CALN1: variants seen among roughly 807,000 people sequenced by gnomAD.
CALN1 encodes the protein calcium-binding protein 8.
A neutral mutation model predicts 30.6 loss-of-function variants in CALN1; 17 were observed. That is an observed-to-expected ratio of 0.56 (90% confidence interval 0.38 to 0.83). The LOEUF (loss-of-function observed/expected upper bound fraction) is 0.83. CALN1 is among the 40% of genes least tolerant of loss of function. The pLI, the probability that CALN1 is intolerant of heterozygous loss-of-function variation, is 0.00. For synonymous variants in CALN1, 156 were observed against 131.4 expected (o/e 1.19, Z -1.28); for missense variants, 291 against 354.9 (o/e 0.82, Z 1.45).
intron 3 of CALN1, among the ~76,000 whole-genome samples, chr7:72,182,956 T>C (rs1251349254): frequency 6.6e-6 from 1 of 152,134 alleles, no homozygotes; most frequent in African/African-American, 2.4e-5. Context: ...TTGAATGCTA[T>C]GAAAAGGAGT....
At chr7:71,997,172 G>A (rs1222664483) in intron 5 of CALN1, among the ~76,000 whole-genome samples, 1 of 152,034 alleles carries the variant, frequency 6.6e-6, no homozygotes, top group Non-Finnish European at 1.5e-5. Flanking sequence ...TTTGGGGGTT[G>A]CAGTGAACTA....
chr7:72,255,849 G>A (rs553164936), intron 3 of CALN1, among the ~76,000 whole-genome samples: 153 of 151,768 alleles, frequency 1.0e-3, no homozygotes, highest in Non-Finnish European at 1.9e-3. Context: ...TCCTGCCTCA[G>A]CCTCCTGAGT....
At chr7:71,983,240 G>A (rs1188413737) in intron 5 of CALN1, among the ~76,000 whole-genome samples, 1 of 152,096 alleles carries the variant, frequency 6.6e-6, no homozygotes, top group Non-Finnish European at 1.5e-5. Context: ...CTCACTTCTT[G>A]TGTGTGTCTG....
intron 4 of CALN1, among the ~76,000 whole-genome samples, chr7:72,054,982 C>T (rs1803160174): frequency 6.6e-6 from 1 of 152,108 alleles, no homozygotes; most frequent in South Asian, 2.1e-4. Flanking sequence ...AGACTAAGAT[C>T]CCTGAGGTCT....
At chr7:72,154,587 T>C (rs903879852) in intron 3 of CALN1, among the ~76,000 whole-genome samples, 3 of 152,210 alleles carry the variant, frequency 2.0e-5, no homozygotes, top group African/African-American at 4.8e-5. Flanking sequence ...GAGAAACCTT[T>C]ACCCTTTTTG....
At chr7:71,804,013 C>T (rs1468576746) in intron 6 of CALN1, among the ~76,000 whole-genome samples, 1 of 151,710 alleles carries the variant, frequency 6.6e-6, no homozygotes, top group Non-Finnish European at 1.5e-5. Flanking sequence ...AAAAATTAAA[C>T]AAGATAACAA....
chr7:72,224,203 A>T (rs1793509566), intron 3 of CALN1, among the ~76,000 whole-genome samples: 1 of 152,194 alleles, frequency 6.6e-6, no homozygotes, highest in African/African-American at 2.4e-5. Flanking sequence ...TATTTTTTAA[A>T]TTAAAAAATA....
At chr7:71,824,032 T>A (rs576905018) in intron 5 of CALN1, among the ~76,000 whole-genome samples, 31 of 152,172 alleles carry the variant, frequency 2.0e-4, no homozygotes, top group African/African-American at 6.0e-4. Context: ...GTGGGAATTG[T>A]GGGAGCTACA....
the CALN1 span, among the ~76,000 whole-genome samples, chr7:72,456,828 T>A: frequency 6.6e-6 from 1 of 151,826 alleles, no homozygotes; most frequent in Non-Finnish European, 1.5e-5. Context: ...CCTAGGAGAC[T>A]GGAGTGAGAC....
At chr7:71,820,480 G>A (rs902284189) in intron 5 of CALN1, among the ~76,000 whole-genome samples, 9 of 152,136 alleles carry the variant, frequency 5.9e-5, no homozygotes, top group African/African-American at 1.2e-4. Context: ...ATATCTTCAC[G>A]TATTGTTTAG....
At chr7:71,924,408 C>G (rs1254464837) in intron 5 of CALN1, among the ~76,000 whole-genome samples, 1 of 150,370 alleles carries the variant, frequency 6.7e-6, no homozygotes, top group Non-Finnish European at 1.5e-5. Flanking sequence ...TAATATAATA[C>G]TTAATATATA....
At chr7:72,436,648 C>T (rs1335115393) in intron 1 of CALN1, among the ~76,000 whole-genome samples, 1 of 152,076 alleles carries the variant, frequency 6.6e-6, no homozygotes, top group Non-Finnish European at 1.5e-5. Context: ...AGAGAAGATG[C>T]TTGCTTCTAG....
intron 2 of CALN1, among the ~76,000 whole-genome samples, chr7:72,331,531 C>T (rs990128899): frequency 6.6e-6 from 1 of 152,112 alleles, no homozygotes; most frequent in Admixed American, 6.5e-5. Flanking sequence ...GACAGGTGAG[C>T]CCAAAATTGG....
chr7:71,948,086 C>T (rs772579411), intron 5 of CALN1, among the ~76,000 whole-genome samples: 3 of 152,052 alleles, frequency 2.0e-5, no homozygotes, highest in Admixed American at 6.6e-5. Context: ...GACTTCTCAT[C>T]GAAAGGGCGA....
chr7:72,401,200 G>A (rs1267878308), intron 2 of CALN1, among the ~76,000 whole-genome samples: 1 of 152,142 alleles, frequency 6.6e-6, no homozygotes, highest in Admixed American at 6.5e-5. Flanking sequence ...CCTGAAGGAG[G>A]TTCCCAACCA....
chr7:72,243,878 CAT>C (rs1240514725), intron 3 of CALN1, among the ~76,000 whole-genome samples: 6 of 152,198 alleles, frequency 3.9e-5, no homozygotes, highest in African/African-American at 1.4e-4. Flanking sequence ...ACTGCTGAAA[CAT>C]ATGACATACT....
intron 3 of CALN1, among the ~76,000 whole-genome samples, chr7:72,244,455 C>T (rs940227015): frequency 7.9e-5 from 12 of 151,966 alleles, no homozygotes; most frequent in African/African-American, 2.9e-4. Flanking sequence ...AGGATGTAAT[C>T]CAGTAGAGGA....
chr7:72,440,592 T>A (rs1445209793), intron 1 of CALN1, among the ~76,000 whole-genome samples: 1 of 152,092 alleles, frequency 6.6e-6, no homozygotes, highest in African/African-American at 2.4e-5. Flanking sequence ...TTTGGAAGGC[T>A]GAGGCAGGCG....
At chr7:72,006,890 C>T (rs544622356) in intron 5 of CALN1, among the ~76,000 whole-genome samples, 8 of 151,898 alleles carry the variant, frequency 5.3e-5, no homozygotes, top group Non-Finnish European at 1.2e-4. Context: ...AACTGGGTCC[C>T]CATTTCCATT....
Sources: gnomAD v4.1 joint callset for allele counts (sites outside exome capture counted in the v4.1 genomes callset) on GRCh38, gnomAD v4.1.1 for gene constraint, MANE v1.5 for transcripts, NCBI Gene and HGNC (gene_info 2026-07-23, HGNC 2026-07-21) for gene names.